Variants in COL25A1 observed in about 807,000 individuals in gnomAD.
The protein encoded by COL25A1 is collagen type XXV alpha 1 chain.
COL25A1 carries 103 observed loss-of-function variants against 128.4 expected under a neutral mutation model. The ratio of observed to expected loss-of-function variants is 0.80; its 90% CI spans 0.68 to 0.94. The LOEUF (loss-of-function observed/expected upper bound fraction) is 0.94. Among genes scored for constraint, COL25A1 ranks in the 40% least tolerant of loss-of-function variants. The probability of loss-of-function intolerance (pLI) is 0.00; values close to 1 mark genes in which losing one functional copy is unlikely to be tolerated. For missense variants in COL25A1, 745 were observed against 840.0 expected (o/e 0.89, Z 1.40); for synonymous variants, 279 against 277.2 (o/e 1.01, Z -0.06).
intron 19 of COL25A1, among the ~76,000 whole-genome samples, chr4:108,881,943 A>G (rs1740177926): frequency 1.3e-5 from 2 of 152,238 alleles, no homozygotes; most frequent in African/African-American, 4.8e-5. Flanking sequence ...GTATGTCTAC[A>G]TACTCTTGAT....
At chr4:109,187,531 A>G (rs1340634080) in intron 3 of COL25A1, among the ~76,000 whole-genome samples, 1 of 152,214 alleles carries the variant, frequency 6.6e-6, no homozygotes, top group Non-Finnish European at 1.5e-5. Flanking sequence ...TAATAAATGC[A>G]AAATGCTAAA....
chr4:109,215,065 T>C (rs947698009), intron 3 of COL25A1, among the ~76,000 whole-genome samples: 10 of 152,198 alleles, frequency 6.6e-5, no homozygotes, highest in Non-Finnish European at 1.2e-4. Flanking sequence ...TTCTGTACAC[T>C]AAGGAATTTT....
chr4:109,132,668 G>A (rs1443095113), intron 3 of COL25A1, among the ~76,000 whole-genome samples: 2 of 152,136 alleles, frequency 1.3e-5, no homozygotes, highest in African/African-American at 2.4e-5. Flanking sequence ...ATATTGGAAT[G>A]TGTTTTCTGG....
chr4:109,238,104 A>C (rs1779591128), intron 3 of COL25A1, among the ~76,000 whole-genome samples: 1 of 152,036 alleles, frequency 6.6e-6, no homozygotes, highest in African/African-American at 2.4e-5. Flanking sequence ...GCTATTGCTA[A>C]TATGTTGCTG....
intron 14 of COL25A1, 33 bp downstream of exon 14, chr4:108,901,086 C>T: frequency 6.5e-7 from 1 of 1,539,342 alleles, no homozygotes; most frequent in Non-Finnish European, 9.0e-7. Flanking sequence ...ATTCGTGTGT[C>T]AAATGATTCT....
chr4:109,175,662 G>A (rs1309851043), intron 3 of COL25A1, among the ~76,000 whole-genome samples: 1 of 152,128 alleles, frequency 6.6e-6, no homozygotes, highest in African/African-American at 2.4e-5. Context: ...TTTAGGAATA[G>A]TTTTAATTGT....
chr4:109,147,348 T>C (rs1771039903), intron 3 of COL25A1, among the ~76,000 whole-genome samples: 1 of 152,176 alleles, frequency 6.6e-6, no homozygotes. Flanking sequence ...GAGGCTTCAC[T>C]TTGCTCACCA....
chr4:109,050,888 T>A (rs1760919987), intron 3 of COL25A1, among the ~76,000 whole-genome samples: 1 of 152,056 alleles, frequency 6.6e-6, no homozygotes, highest in Non-Finnish European at 1.5e-5. Context: ...ACTTGTTTTT[T>A]TTTTTTTGGT....
intron 26 of COL25A1, among the ~76,000 whole-genome samples, chr4:108,852,004 T>A (rs1735839313): frequency 1.3e-5 from 2 of 152,114 alleles, no homozygotes; most frequent in Admixed American, 1.3e-4. Flanking sequence ...TTTTTCAATG[T>A]CTTCCCTAAA....
intron 11 of COL25A1, among the ~76,000 whole-genome samples, chr4:108,933,818 C>T (rs1202716432): frequency 6.6e-6 from 1 of 150,952 alleles, no homozygotes; most frequent in Non-Finnish European, 1.5e-5. Flanking sequence ...AAAACCGGAA[C>T]TACTTTTCTC....
At chr4:109,284,958 C>T (rs2881290) in intron 3 of COL25A1, among the ~76,000 whole-genome samples, 19,305 of 151,142 alleles carry the variant, frequency 0.13, 1,427 homozygotes, top group East Asian at 0.29. Context: ...AATAGAATTA[C>T]GAGACCAGCA....
chr4:109,216,719 A>G lies in COL25A1; in HGVS notation c.367+83864T>C, dbSNP rs76653840. On this transcript the variant is annotated intron_variant, in intron 3 of 37. Transcript: ENST00000399132. ...GGAGCATGGCCCTGCCAACATCTTG[A>G]TTTCTGAGTCTCAAGAATTGAGAGA... 7.5e-3 allele frequency among the ~76,000 whole-genome samples: 1,148 copies of G among 152,252 alleles called. 56 individuals are homozygous for G. The South Asian group carries it at 0.13, about 18-fold the overall frequency.
In COL25A1 at chr4:108,846,327, G is replaced by C. The variant is rs939997365; in HGVS notation, c.1435-108C>G. 3 of 738,046 alleles carry C rather than the reference G, an allele frequency of 4.1e-6. No individual in the cohort carries two copies. The Admixed American group carries it at 6.4e-5, about 16-fold the overall frequency. The allele number at this position is 738,046 out of a possible 1,614,324, so 45.7% of individuals were successfully genotyped here. On this transcript the variant is annotated intron_variant, in intron 27 of 37. Coordinates refer to ENST00000399132, the MANE Select transcript of COL25A1 (RefSeq NM_198721.4). Reference sequence around the variant, plus strand: ...AATTTCGTTAATAGGTGGGTTCAATGTTGAGATGATTCTGATTTTTGTTTT... The same window carrying C: ...AATTTCGTTAATAGGTGGGTTCAATCTTGAGATGATTCTGATTTTTGTTTT...
chr4:108,885,617 C>T (rs1740682193), intron 18 of COL25A1, among the ~76,000 whole-genome samples: 1 of 152,158 alleles, frequency 6.6e-6, no homozygotes, highest in Non-Finnish European at 1.5e-5. Context: ...TCTCTTTTAC[C>T]TTTCAATCAA....
chr4:109,021,070 C>G (rs1415294595), intron 5 of COL25A1, among the ~76,000 whole-genome samples: 2 of 152,168 alleles, frequency 1.3e-5, no homozygotes, highest in Non-Finnish European at 2.9e-5. Flanking sequence ...CCCAGTCAGC[C>G]ACTCAGTCAC....
At chr4:109,021,755 G>T (rs1273519010) in intron 5 of COL25A1, 3 of 453,376 alleles carry the variant, frequency 6.6e-6, no homozygotes, top group African/African-American at 6.0e-5. Flanking sequence ...TAAGACCCTA[G>T]GAAAAGAATT....
intron 8 of COL25A1, among the ~76,000 whole-genome samples, chr4:108,973,192 A>T (rs115623667): frequency 6.6e-6 from 1 of 152,190 alleles, no homozygotes; most frequent in African/African-American, 2.4e-5. Flanking sequence ...CTAATCACTT[A>T]AGGTTATGAG....
rs552253829 is a variant in COL25A1 at position 108,911,275 on chromosome 4, T to C, written c.780+6897A>G. On this transcript the variant is annotated intron_variant, in intron 13 of 37. Transcript: ENST00000399132. ...CTATCTGTAGTATAAATTGTAAGCA[T>C]TGCAACATGGTGATAGCTTCTCTTC... is the stretch of plus-strand genomic sequence containing the variant. 3.3e-5 allele frequency among the ~76,000 whole-genome samples: 5 copies of C among 152,298 alleles called. No homozygotes were observed. The East Asian group carries it at 9.6e-4, about 29-fold the overall frequency.
At chr4:109,268,999 G>A (rs1049187854) in intron 3 of COL25A1, among the ~76,000 whole-genome samples, 5 of 150,910 alleles carry the variant, frequency 3.3e-5, no homozygotes, top group Non-Finnish European at 5.9e-5. Flanking sequence ...AGTTACATAC[G>A]TATGCATGTG....
Sources: gnomAD v4.1 joint callset for allele counts (sites outside exome capture counted in the v4.1 genomes callset) on GRCh38, gnomAD v4.1.1 for gene constraint, MANE v1.5 for transcripts, NCBI Gene and HGNC (gene_info 2026-07-23, HGNC 2026-07-21) for gene names.